Variants in NKAIN2 observed in about 807,000 individuals in gnomAD.
NKAIN2 encodes sodium/potassium transporting ATPase interacting 2, also known as sodium/potassium-transporting ATPase subunit beta-1-interacting protein 2.
A neutral mutation model predicts 32.6 loss-of-function variants in NKAIN2; 14 were observed. That is an observed-to-expected ratio of 0.43 (90% CI 0.28 to 0.67). NKAIN2 has a LOEUF of 0.67. Ranked by LOEUF, NKAIN2 falls within the 30% of genes least tolerant of loss-of-function variation. NKAIN2 has a pLI of 0.17. For missense variants in NKAIN2, 198 were observed against 258.3 expected, an observed-to-expected ratio of 0.77 and a Z score of 1.60; for synonymous variants, 80 against 87.2, an observed-to-expected ratio of 0.92 and a Z score of 0.46.
intron 1 of NKAIN2, among the ~76,000 whole-genome samples, chr6:123,959,996 G>A (rs991704507): frequency 6.6e-6 from 1 of 151,328 alleles, no homozygotes; most frequent in African/African-American, 2.4e-5. Flanking sequence ...CTTGAAAGTT[G>A]TGGGAATTTA....
chr6:124,362,982 G>A (rs1003203488), intron 3 of NKAIN2, among the ~76,000 whole-genome samples: 9 of 151,966 alleles, frequency 5.9e-5, no homozygotes, highest in East Asian at 1.9e-4. Flanking sequence ...TTACATATGC[G>A]TGCCACCACA....
intron 1 of NKAIN2, among the ~76,000 whole-genome samples, chr6:124,231,064 G>A (rs1193509406): frequency 3.3e-5 from 5 of 152,238 alleles, no homozygotes; most frequent in East Asian, 1.9e-4. Context: ...CAGGGGCAGA[G>A]CTACCCAAGA....
At chr6:123,984,055 G>A (rs1007174657) in intron 1 of NKAIN2, among the ~76,000 whole-genome samples, 3 of 151,970 alleles carry the variant, frequency 2.0e-5, no homozygotes, top group Admixed American at 1.3e-4. Flanking sequence ...TTACAGGCAT[G>A]TGCCACCACA....
In NKAIN2 at chr6:124,635,928, A is replaced by G. The variant is rs114963263; in HGVS notation, c.274-22258A>G. Among the ~76,000 whole-genome samples, 403 of 152,184 alleles carry G rather than the reference A, an allele frequency of 2.6e-3. 2 individuals are homozygous for G. The highest frequency in any genetic ancestry group is 8.6e-3 in the African/African-American group (359 of 41,566). On this transcript the variant is annotated intron_variant, in intron 3 of 6. Transcript: ENST00000368417. The stretch of plus-strand genomic sequence containing the variant: ...AGAAACATTGGACTTGAACTGCACT[A>G]TACAGCAAATAGGCATAATAGACAT...
intron 2 of NKAIN2, among the ~76,000 whole-genome samples, chr6:124,332,127 AC>A (rs1248821942): frequency 1.3e-5 from 2 of 152,122 alleles, no homozygotes; most frequent in Non-Finnish European, 2.9e-5. Flanking sequence ...TTAAGTGCAA[AC>A]TTTGAACTGC....
intron 1 of NKAIN2, among the ~76,000 whole-genome samples, chr6:123,871,859 G>C (rs1396475038): frequency 6.6e-6 from 1 of 152,112 alleles, no homozygotes; most frequent in African/African-American, 2.4e-5. Context: ...GTAAAGTCAA[G>C]TTTATTTCTT....
intron 1 of NKAIN2, among the ~76,000 whole-genome samples, chr6:123,862,554 C>T (rs949501500): frequency 9.2e-5 from 14 of 152,090 alleles, no homozygotes; most frequent in Non-Finnish European, 1.9e-4. Context: ...ATCTTAGCAT[C>T]CCCGGCCAAC....
chr6:124,818,485 G>C lies in NKAIN2; in HGVS notation c.617+17G>C. The C allele has an allele frequency of 7.7e-7, 1 of 1,299,254 alleles. No individual in the cohort carries two copies. Among genetic ancestry groups the C allele is most frequent in the Non-Finnish European group, 1.1e-6 (1 of 900,822 alleles). 80.5% of individuals were successfully genotyped at this position (1,299,254 alleles called of 1,614,324 possible). A position where few individuals can be genotyped will look rare whatever the true frequency, so the allele number is the denominator to read the frequency against. On this transcript the variant is annotated intron_variant, in intron 6 of 6. Coordinates refer to ENST00000368417, the MANE Select transcript of NKAIN2 (RefSeq NM_001040214.3). ...TATGTACATGTAAGTATTTTACTTG[G>C]AAGGTACTCTTCTGGGGTACTAAAG... is the stretch of plus-strand genomic sequence containing the variant.
At chr6:124,567,428 A>C (rs1780960562) in intron 3 of NKAIN2, among the ~76,000 whole-genome samples, 2 of 152,184 alleles carry the variant, frequency 1.3e-5, no homozygotes, top group Non-Finnish European at 2.9e-5. Flanking sequence ...ATCTGTGTTC[A>C]TCGCATTTAT....
At chr6:124,530,732 A>G (rs1779494174) in intron 3 of NKAIN2, among the ~76,000 whole-genome samples, 1 of 152,218 alleles carries the variant, frequency 6.6e-6, no homozygotes, top group East Asian at 1.9e-4. Context: ...GAGCTGCCGT[A>G]TAACTCCTAG....
intron 3 of NKAIN2, among the ~76,000 whole-genome samples, chr6:124,644,683 G>C (rs903170671): frequency 6.6e-6 from 1 of 152,182 alleles, no homozygotes; most frequent in African/African-American, 2.4e-5. Context: ...GGGATTATAT[G>C]GCATGAGCCA....
At chr6:124,306,492 T>C (rs1328483184) in intron 2 of NKAIN2, among the ~76,000 whole-genome samples, 2 of 152,166 alleles carry the variant, frequency 1.3e-5, no homozygotes, top group Non-Finnish European at 2.9e-5. Context: ...TGTGTTCAAG[T>C]GTTATTTCAA....
At chr6:124,720,842 A>G (rs1281977319) in intron 4 of NKAIN2, among the ~76,000 whole-genome samples, 2 of 152,208 alleles carry the variant, frequency 1.3e-5, no homozygotes, top group African/African-American at 4.8e-5. Flanking sequence ...CTAAACTCTG[A>G]AGAAGACATA....
At chr6:124,456,313 T>TAA (rs11334563) in intron 3 of NKAIN2, among the ~76,000 whole-genome samples, 2 of 145,954 alleles carry the variant, frequency 1.4e-5, no homozygotes, top group African/African-American at 5.0e-5. Flanking sequence ...TATTCCACAA[T>TAA]AAAAAAAAAA....
intron 3 of NKAIN2, among the ~76,000 whole-genome samples, chr6:124,584,568 G>A (rs545678993): frequency 2.0e-5 from 3 of 151,202 alleles, no homozygotes; most frequent in South Asian, 4.2e-4. Flanking sequence ...CAGGAGAATC[G>A]CTTGAACCGG....
At chr6:124,127,068 G>T (rs72976447) in intron 1 of NKAIN2, among the ~76,000 whole-genome samples, 6,996 of 152,050 alleles carry the variant, frequency 0.046, 192 homozygotes, top group African/African-American at 0.079. Flanking sequence ...TATATATATA[G>T]AGAGAGAGAG....
At chr6:124,085,801 A>G (rs1784168048) in intron 1 of NKAIN2, among the ~76,000 whole-genome samples, 1 of 151,924 alleles carries the variant, frequency 6.6e-6, no homozygotes, top group African/African-American at 2.4e-5. Flanking sequence ...GTAGTTGTGA[A>G]TGAGATTATG....
intron 1 of NKAIN2, among the ~76,000 whole-genome samples, chr6:123,907,633 TAAGA>T (rs1267636895): frequency 1.3e-5 from 2 of 152,126 alleles, no homozygotes; most frequent in African/African-American, 2.4e-5. Flanking sequence ...CACTAAGAAA[TAAGA>T]AAGACTTCTA....
intron 3 of NKAIN2, among the ~76,000 whole-genome samples, chr6:124,477,745 C>G (rs1777285545): frequency 1.6e-5 from 1 of 61,086 alleles, no homozygotes; most frequent in Non-Finnish European, 3.6e-5. Context: ...TCTCCTTCCC[C>G]CTTCCCCTTT....
Sources: allele counts gnomAD v4.1 joint callset (sites outside exome capture counted in the v4.1 genomes callset), GRCh38; gene constraint gnomAD v4.1.1; transcripts MANE v1.5; gene names NCBI Gene and HGNC (gene_info 2026-07-23, HGNC 2026-07-21).